ROBO1: variants seen among roughly 807,000 people sequenced by gnomAD.
The protein encoded by ROBO1 is roundabout homolog 1.
A neutral mutation model predicts 195.9 loss-of-function variants in ROBO1; 149 were observed. The ratio of observed to expected loss-of-function variants is 0.76; its 90% CI spans 0.67 to 0.87. The LOEUF (loss-of-function observed/expected upper bound fraction) is 0.87. Ranked by LOEUF, ROBO1 falls within the 40% of genes least tolerant of loss-of-function variation. The pLI, the probability that ROBO1 is intolerant of heterozygous loss-of-function variation, is 0.00. For synonymous variants in ROBO1, 816 were observed against 733.2 expected, an observed-to-expected ratio of 1.11 and a Z score of -1.82; for missense variants, 1,933 against 2,068.3, an observed-to-expected ratio of 0.93 and a Z score of 1.27.
At chr3:79,334,397 C>G (rs990015809) in intron 2 of ROBO1, among the ~76,000 whole-genome samples, 1 of 147,110 alleles carries the variant, frequency 6.8e-6, no homozygotes, top group African/African-American at 2.5e-5. Flanking sequence ...ACATTTCCAT[C>G]TAATATATTA....
chr3:79,635,096 T>C (rs1423185492), intron 1 of ROBO1, among the ~76,000 whole-genome samples: 3 of 152,210 alleles, frequency 2.0e-5, no homozygotes, highest in Admixed American at 1.3e-4. Context: ...TTTCTCAATT[T>C]TTAGAGGCTG....
intron 1 of ROBO1, among the ~76,000 whole-genome samples, chr3:79,736,803 T>C (rs1265906249): frequency 2.0e-5 from 3 of 152,192 alleles, no homozygotes; most frequent in African/African-American, 7.2e-5. Flanking sequence ...TTTCCCTAAA[T>C]ACATAGTTAA....
Position 79,125,521 on chromosome 3 carries a change from C to G in ROBO1, c.107G>C (p.Arg36Thr), listed in dbSNP as rs1175108454. The G allele has an allele frequency of 1.2e-6, 2 of 1,613,560 alleles. No individual in the cohort carries two copies. The highest frequency in any genetic ancestry group is 2.2e-5 in the East Asian group (1 of 44,832). The change falls in exon 3 of 31, where the codon AGG (arginine) becomes ACG (threonine). Residue 36 changes from arginine to threonine, a missense_variant. Arg to Thr is a moderately conservative substitution (Grantham distance 71). Around this residue, in one of 3 missense-constraint regions of ROBO1, gnomAD observed 185 missense variants for 159.5 expected, o/e 1.16. Coordinates refer to ENST00000464233, the MANE Select transcript of ROBO1 (RefSeq NM_002941.4). ...GATTGGCGTCCCGTGGTCGTTCCCC[C>G]TCTCTACATCTTCAGGGTCTGTCGG... Reference protein sequence around the residue: ...QLIPDPEDVERGNDHGTPIPT... With the variant: ...QLIPDPEDVETGNDHGTPIPT...
chr3:79,350,956 A>G (rs1485846624), intron 2 of ROBO1, among the ~76,000 whole-genome samples: 3 of 152,094 alleles, frequency 2.0e-5, no homozygotes, highest in African/African-American at 7.2e-5. Context: ...CAGCCTCCCA[A>G]GTAGCTGTGA....
chr3:78,884,866 C>CTGTGTGTGTG (rs376764608), intron 4 of ROBO1, among the ~76,000 whole-genome samples: 36,973 of 146,892 alleles, frequency 0.25, 4,902 homozygotes, highest in Non-Finnish European at 0.31. Context: ...CTCTCTCTTT[C>CTGTGTGTGTG]TGTGTGTGTG....
chr3:79,694,446 A>C (rs75111610), intron 1 of ROBO1, among the ~76,000 whole-genome samples: 5,543 of 151,786 alleles, frequency 0.037, 137 homozygotes, highest in Non-Finnish European at 0.056. Flanking sequence ...TTACCACCCA[A>C]CTCTGGGCTA....
Position 79,258,107 on chromosome 3 carries a change from C to T in ROBO1, c.89-132568G>A, listed in dbSNP as rs115415326. Reference sequence around the variant, plus strand: ...TAGCTACAATGACTTCAACCAGATGCTAAATTAAATGGAAAAATTTTGGAA... The same window carrying T: ...TAGCTACAATGACTTCAACCAGATGTTAAATTAAATGGAAAAATTTTGGAA... On this transcript the variant is annotated intron_variant, in intron 2 of 30. Transcript: ENST00000464233. 3.6e-3 allele frequency among the ~76,000 whole-genome samples: 552 copies of T among 152,178 alleles called. 3 individuals are homozygous for T. Among genetic ancestry groups the T allele is most frequent in the African/African-American group, 0.013 (527 of 41,516 alleles).
chr3:78,747,062 T>C (rs528402847), intron 4 of ROBO1, among the ~76,000 whole-genome samples, 162 bp from the exon 5 acceptor site: 1 of 152,314 alleles, frequency 6.6e-6, no homozygotes, highest in Admixed American at 6.5e-5. Flanking sequence ...ATCTGCAATT[T>C]AATAAAGATA....
At chr3:79,255,138 A>G (rs2082806496) in intron 2 of ROBO1, among the ~76,000 whole-genome samples, 1 of 152,202 alleles carries the variant, frequency 6.6e-6, no homozygotes, top group Non-Finnish European at 1.5e-5. Flanking sequence ...ATCCATATAA[A>G]GCCAGGATGA....
At chr3:78,814,012 G>A (rs966667518) in intron 4 of ROBO1, among the ~76,000 whole-genome samples, 10 of 151,782 alleles carry the variant, frequency 6.6e-5, no homozygotes, top group African/African-American at 2.2e-4. Context: ...TATTCACTTC[G>A]GTATATGCCA....
chr3:78,918,157 G>A (rs1167121315), intron 4 of ROBO1, among the ~76,000 whole-genome samples: 1 of 152,094 alleles, frequency 6.6e-6, no homozygotes, highest in Non-Finnish European at 1.5e-5. Context: ...ACTATTTAAA[G>A]AACACATATA....
chr3:79,411,366 T>C (rs13072219), intron 2 of ROBO1, among the ~76,000 whole-genome samples: 55,739 of 152,022 alleles, frequency 0.37, 10,861 homozygotes, highest in Admixed American at 0.49. Flanking sequence ...TGTGGAGGTA[T>C]TGCATTTCCA....
In ROBO1 at chr3:79,188,543, C is replaced by T. The variant is rs535346158; in HGVS notation, c.89-63004G>A. On this transcript the variant is annotated intron_variant, in intron 2 of 30. Coordinates refer to ENST00000464233, the MANE Select transcript of ROBO1 (RefSeq NM_002941.4). ...GTTTGGATGTATACATGCACCTTTG[C>T]ACACGCACACACACACACACATATA... is the stretch of plus-strand genomic sequence containing the variant. Among the ~76,000 whole-genome samples the T allele has an allele frequency of 8.3e-4, 126 of 151,784 alleles. 1 individual carries two copies. Among genetic ancestry groups the T allele is most frequent in the Middle Eastern group, 3.4e-3 (1 of 294 alleles).
chr3:78,753,828 AAGTC>A (rs1459431424), intron 4 of ROBO1, among the ~76,000 whole-genome samples: 1 of 152,200 alleles, frequency 6.6e-6, no homozygotes, highest in African/African-American at 2.4e-5. Flanking sequence ...TCACCAAAGT[AAGTC>A]AAATGGCTAA....
Position 78,938,767 on chromosome 3 carries a change from G to T in ROBO1, c.333C>A (p.Asp111Glu), listed in dbSNP as rs374842638. The T allele has an allele frequency of 6.2e-7, 1 of 1,613,834 alleles. No homozygotes were observed. Among genetic ancestry groups the T allele is most frequent in the African/African-American group, 1.3e-5 (1 of 74,892 alleles). ...TTCGGTGTGAGCGAGGGTCATCTTT[G>T]TCTGTCTCCACTCTCTCTCCCCCTT... ...WYKGGERVET[D>E]KDDPRSHRML... Residue 111 changes from aspartate to glutamate, a missense_variant, in exon 4 of 31, where the codon GAC becomes GAA. Coordinates refer to ENST00000464233, the MANE Select transcript of ROBO1 (RefSeq NM_002941.4).
intron 2 of ROBO1, among the ~76,000 whole-genome samples, chr3:79,452,433 G>T (rs753603247): frequency 2.6e-5 from 4 of 151,878 alleles, no homozygotes; most frequent in Non-Finnish European, 5.9e-5. Flanking sequence ...TACTCTCAGG[G>T]CATAAGATAT....
At chr3:78,667,194 A>G (rs1348103050) in intron 14 of ROBO1, among the ~76,000 whole-genome samples, 1 of 152,166 alleles carries the variant, frequency 6.6e-6, no homozygotes, top group Non-Finnish European at 1.5e-5. Context: ...CAATTATAAT[A>G]TGATTAAGAT....
At chr3:79,104,496 T>G (rs1486853867) in intron 3 of ROBO1, among the ~76,000 whole-genome samples, 1 of 151,808 alleles carries the variant, frequency 6.6e-6, no homozygotes, top group Non-Finnish European at 1.5e-5. Context: ...CTCTGTTCTT[T>G]AACAAGAGCA....
chr3:78,617,608 A>G, intron 27 of ROBO1, 27 bp downstream of exon 27: 1 of 1,566,634 alleles, frequency 6.4e-7, no homozygotes. Context: ...TTTCTTTCCC[A>G]GCTTGGTGAA....
Sources: allele counts gnomAD v4.1 joint callset (sites outside exome capture counted in the v4.1 genomes callset), GRCh38; gene constraint gnomAD v4.1.1; regional missense constraint gnomAD v4.1.1; transcripts MANE v1.5; gene names NCBI Gene and HGNC (gene_info 2026-07-23, HGNC 2026-07-21).